The following PRMT5 variants were observed in gnomAD, a reference collection of about 807,000 sequenced individuals.
PRMT5 encodes the protein protein arginine methyltransferase 5.
Under a neutral mutation model 84.0 loss-of-function variants are expected in PRMT5, and 15 were observed. That is an observed-to-expected ratio of 0.18 (90% CI 0.12 to 0.28). The LOEUF is 0.28. Among genes scored for constraint, PRMT5 ranks in the 10% least tolerant of loss-of-function variants. PRMT5 has a pLI of 1.00. For synonymous variants in PRMT5, 276 were observed against 292.4 expected (o/e 0.94, Z 0.57); for missense variants, 486 against 808.0 (o/e 0.60, Z 4.83).
At position 22,927,535 on chromosome 14, in the gene PRMT5, G is replaced by GT; in HGVS notation, c.440dup (p.His147GlnfsTer20). ...AGCCCCTCAGCTATACCATGGAAGA[G>GT]TGATGGCCAGTGTGGATGTGGTTGG... On this transcript the variant is annotated frameshift_variant, in exon 4 of 17. Coordinates refer to ENST00000324366, the MANE Select transcript of PRMT5 (RefSeq NM_006109.5). LOFTEE classifies it high-confidence loss of function. 6.2e-7 allele frequency: 1 copy of GT among 1,614,062 alleles called. No homozygotes were observed. The highest frequency in any genetic ancestry group is 8.5e-7 in the Non-Finnish European group (1 of 1,179,992).
rs989751309 is a variant in PRMT5, at chr14:22,921,813, C to T, written c.1761+363G>A. The stretch of plus-strand genomic sequence containing the variant: ...AGGAGAATGGCATGAACCCGGGAGG[C>T]GGAGCTTGCAGTGAGCCGAAATTGT... On this transcript the variant is annotated intron_variant, in intron 16 of 16. Transcript: ENST00000324366. Among the ~76,000 whole-genome samples the T allele has an allele frequency of 3.5e-5, 5 of 142,052 alleles. No homozygotes were observed. In the South Asian group the frequency reaches 7.4e-4, roughly 21 times the overall value. The allele number at this position is 142,052 out of a possible 152,430, so 93.2% of individuals were successfully genotyped here.
At chr14:22,925,166 TAA>T (rs147925144) in intron 7 of PRMT5, 126 bp from the exon 8 acceptor site, 337,306 of 812,868 alleles carry the variant, frequency 0.41, 39,367 homozygotes, top group East Asian at 0.54. Flanking sequence ...TTTTTTTTTT[TAA>T]AAAAAAAGAT....
rs1392791933 is a variant in PRMT5 at position 22,922,515 on chromosome 14, C to T, written c.1624G>A (p.Val542Met). 2 of 1,614,044 alleles carry T rather than the reference C, an allele frequency of 1.2e-6. No individual in the cohort carries two copies. Among genetic ancestry groups the T allele is most frequent in the Non-Finnish European group, 1.7e-6 (2 of 1,180,010 alleles). The change falls in exon 15 of 17, where the codon GTG becomes ATG. Residue 542 changes from valine to methionine, a missense_variant. Coordinates refer to ENST00000324366, the MANE Select transcript of PRMT5 (RefSeq NM_006109.5). The stretch of plus-strand genomic sequence containing the variant: ...CCATGTAGTACTGTGTTCACCTCCA[C>T]AGGAAATTCCAAGGTGCAATAGCGG... The part of the protein sequence containing the change: ...NNRYCTLEFP[V>M]EVNTVLHGFA...
In PRMT5 at chr14:22,928,659, T is replaced by C. The variant is rs2044478934; in HGVS notation, c.111-44A>G. On this transcript the variant is annotated intron_variant, in intron 1 of 16. Transcript: ENST00000324366. The surrounding 1 kb of genome is among the most constrained non-coding windows in gnomAD (Gnocchi z 4.8). ...CAGAATCATGTAAAGACAGCAGCAGTGCCAGAGAGCCAAGCAACTGGATTT... is the reference window on the plus strand; with the variant it reads ...CAGAATCATGTAAAGACAGCAGCAGCGCCAGAGAGCCAAGCAACTGGATTT... 6.9e-7 allele frequency: 1 copy of C among 1,449,388 alleles called. No individual in the cohort carries two copies. Among genetic ancestry groups the C allele is most frequent in the Non-Finnish European group, 9.7e-7 (1 of 1,029,858 alleles). The allele number at this position is 1,449,388 out of a possible 1,614,324, so 89.8% of individuals were successfully genotyped here.
rs370537118 is a variant in PRMT5, at chr14:22,928,469, A to C, written c.229+28T>G. ...GCAGAAGTTGTTATTGCCTCTAATAATTAAGGGGCATATGGGATGGTCCCT... is the reference window on the plus strand; with the variant it reads ...GCAGAAGTTGTTATTGCCTCTAATACTTAAGGGGCATATGGGATGGTCCCT... On this transcript the variant is annotated intron_variant, in intron 2 of 16. Transcript: ENST00000324366. The surrounding 1 kb of genome is among the most constrained non-coding windows in gnomAD (Gnocchi z 4.8). 2.0e-6 allele frequency: 3 copies of C among 1,525,054 alleles called. No homozygotes were observed. In the African/African-American group the frequency reaches 4.1e-5, roughly 21 times the overall value. The allele number at this position is 1,525,054 out of a possible 1,614,324, so 94.5% of individuals were successfully genotyped here. A position where few individuals can be genotyped will look rare whatever the true frequency, so the allele number is the denominator to read the frequency against.
intron 5 of PRMT5, 34 bp downstream of exon 5, chr14:22,926,668 T>C: frequency 6.2e-7 from 1 of 1,605,954 alleles, no homozygotes; most frequent in Non-Finnish European, 8.5e-7. Flanking sequence ...ACCCTATCCC[T>C]TGCACCCTGG....
At chr14:22,925,545 C>T (rs2044400796) in intron 7 of PRMT5, among the ~76,000 whole-genome samples, 1 of 152,024 alleles carries the variant, frequency 6.6e-6, no homozygotes, top group African/African-American at 2.4e-5. Flanking sequence ...CTTGGCCGGG[C>T]GTGGTGGCCC....
rs2044486486 is a variant in PRMT5, at chr14:22,928,956, C to T, written c.110+296G>A. The T allele has an allele frequency of 4.7e-6, 3 of 638,772 alleles. No individual in the cohort carries two copies. The highest frequency in any genetic ancestry group is 3.0e-5 in the Admixed American group (1 of 33,358). The allele number at this position is 638,772 out of a possible 1,614,324, so 39.6% of individuals were successfully genotyped here. A position where few individuals can be genotyped will look rare whatever the true frequency, so the allele number is the denominator to read the frequency against. On this transcript the variant is annotated intron_variant, in intron 1 of 16. Coordinates refer to ENST00000324366, the MANE Select transcript of PRMT5 (RefSeq NM_006109.5). This position sits in a 1 kb window ranked among gnomAD's most constrained non-coding sequence, Gnocchi z 4.8. ...CCTCCCCCGTCAAAATTAGCCTCTT[C>T]TCTCCCTTGCCCCCTAACACCTCCT...
At chr14:22,926,330 G>T in intron 6 of PRMT5, 34 bp from the exon 7 acceptor site, 1 of 1,609,814 alleles carries the variant, frequency 6.2e-7, no homozygotes, top group Non-Finnish European at 8.5e-7. Context: ...GTCAACCACT[G>T]CCAGGCAAGA....
intron 16 of PRMT5, 113 bp downstream of exon 16, chr14:22,922,063 G>A (rs1800423008): frequency 2.1e-6 from 2 of 973,732 alleles, no homozygotes; most frequent in Non-Finnish European, 3.2e-6. Flanking sequence ...AAGAGCATAT[G>A]AAATCAGGAG....
At position 22,922,184 on chromosome 14, in the gene PRMT5, G is replaced by A; in HGVS notation, c.1753C>T (p.Pro585Ser). The change falls in exon 16 of 17, where the codon CCT becomes TCT. Residue 585 changes from proline to serine, a missense_variant. Pro to Ser is a moderately conservative substitution (Grantham distance 74). Transcript: ENST00000324366. ...GMFSWFPILF[P>S]IKQPITVREG... ...TTAAAAGCAGTTCCTACCTTAATAG[G>A]GAAGAGGATGGGAAACCATGAGAAC... 1 of 1,579,096 alleles carries A rather than the reference G, an allele frequency of 6.3e-7. No homozygotes were observed. Among genetic ancestry groups the A allele is most frequent in the Non-Finnish European group, 8.7e-7 (1 of 1,148,154 alleles).
At chr14:22,926,344 C>T (rs2044418507) in intron 6 of PRMT5, 48 bp from the exon 7 acceptor site, 1 of 1,606,636 alleles carries the variant, frequency 6.2e-7, no homozygotes. Context: ...GGCAAGAAAC[C>T]CTTCCTTGCT....
intron 13 of PRMT5, 96 bp downstream of exon 13, chr14:22,922,955 C>T (rs1330225096): frequency 9.3e-6 from 13 of 1,394,036 alleles, no homozygotes; most frequent in African/African-American, 8.7e-5. Flanking sequence ...TCTCCTTCAC[C>T]TCTTCATCCC....
chr14:22,926,927 T>C, intron 4 of PRMT5, 113 bp from the exon 5 acceptor site: 1 of 706,562 alleles, frequency 1.4e-6, no homozygotes, highest in East Asian at 2.6e-5. Flanking sequence ...TTATATGCTT[T>C]TCCCAATTTG....
Position 22,926,519 on chromosome 14 carries a change from C to G in PRMT5, c.600G>C (p.Lys200Asn). The stretch of plus-strand genomic sequence containing the variant: ...TCATGGACTCACCCACTGCAATCCT[C>G]TTACTATAGTCACACAAAGTCCGGA... ...HNFRTLCDYS[K>N]RIAVALEIGA... Residue 200 changes from lysine (K) to asparagine (N), a missense_variant, in exon 6 of 17, where the codon AAG becomes AAC. This residue lies in a region of PRMT5 where 215 missense variants were observed against 301.1 expected (regional missense o/e 0.71). Coordinates refer to ENST00000324366, the MANE Select transcript of PRMT5 (RefSeq NM_006109.5). 6.2e-7 allele frequency: 1 copy of G among 1,614,196 alleles called. No homozygotes were observed. Among genetic ancestry groups the G allele is most frequent in the Non-Finnish European group, 8.5e-7 (1 of 1,180,034 alleles).
Position 22,924,407 on chromosome 14 carries a change from G to A in PRMT5, c.1077-15C>T. The stretch of plus-strand genomic sequence containing the variant: ...CCATCAGTACCCTAAGAAAGAAAGG[G>A]AAGAGTCAAGCAGACTTGGCATATA... On this transcript the variant is annotated splice_polypyrimidine_tract_variant and intron_variant, in intron 10 of 16. Coordinates refer to ENST00000324366, the MANE Select transcript of PRMT5 (RefSeq NM_006109.5). This position sits in a 1 kb window ranked among gnomAD's most constrained non-coding sequence, Gnocchi z 6.5. 1.9e-6 allele frequency: 3 copies of A among 1,614,006 alleles called. No individual in the cohort carries two copies. Among genetic ancestry groups the A allele is most frequent in the Non-Finnish European group, 2.5e-6 (3 of 1,179,996 alleles).
Position 22,928,422 on chromosome 14 carries a change from G to C in PRMT5, c.229+75C>G. The C allele has an allele frequency of 7.6e-7, 1 of 1,318,840 alleles. No individual in the cohort carries two copies. Among genetic ancestry groups the C allele is most frequent in the Non-Finnish European group, 1.1e-6 (1 of 914,124 alleles). 81.7% of individuals were successfully genotyped at this position (1,318,840 alleles called of 1,614,324 possible). A position where few individuals can be genotyped will look rare whatever the true frequency, so the allele number is the denominator to read the frequency against. On this transcript the variant is annotated intron_variant, in intron 2 of 16. Coordinates refer to ENST00000324366, the MANE Select transcript of PRMT5 (RefSeq NM_006109.5). This position sits in a 1 kb window ranked among gnomAD's most constrained non-coding sequence, Gnocchi z 4.8. ...CAAATATATCCAAGTCAGAAAAGGA[G>C]GAGAATGAGGGCCCCGATAAAGCAG...
At position 22,924,671 on chromosome 14, in the gene PRMT5, C is replaced by A; in HGVS notation, c.978G>T (p.Val326=). 6.2e-7 allele frequency: 1 copy of A among 1,614,130 alleles called. No homozygotes were observed. The highest frequency in any genetic ancestry group is 8.5e-7 in the Non-Finnish European group (1 of 1,180,008). The change falls in exon 9 of 17, where the codon GTG becomes GTT. Residue 326 remains valine (V), a synonymous_variant. Coordinates refer to ENST00000324366, the MANE Select transcript of PRMT5 (RefSeq NM_006109.5). This position sits in a 1 kb window ranked among gnomAD's most constrained non-coding sequence, Gnocchi z 6.5. The part of the protein sequence containing the change: ...MDNLESQTYE[V]FEKDPIKYSQ... ...AGTATTTGATGGGGTCCTTTTCAAA[C>A]ACTTCATATGTCTGAGATTCCAGAT...
rs1254006163 is a variant in PRMT5 at position 22,924,139 on chromosome 14, A to G, written c.1244T>C (p.Val415Ala). 1 of 1,613,008 alleles carries G rather than the reference A, an allele frequency of 6.2e-7. No homozygotes were observed. ...CCATTCCCTCATGTCTGATGAGACT[A>G]CGGTCACTTGGCTTCCCCATTCTTC... is the stretch of plus-strand genomic sequence containing the variant. ...QFEEWGSQVT[V>A]VSSDMREWVA... is the part of the protein sequence containing the mutation. The change falls in exon 12 of 17, where the codon GTA becomes GCA. Residue 415 changes from valine to alanine, a missense_variant. Val to Ala is a moderately conservative substitution (Grantham distance 64, BLOSUM62 0). Around this residue, in one of 4 missense-constraint regions of PRMT5, gnomAD observed 219 missense variants for 433.6 expected, o/e 0.51. Transcript: ENST00000324366. This position sits in a 1 kb window ranked among gnomAD's most constrained non-coding sequence, Gnocchi z 6.5.
Sources: gnomAD v4.1 joint callset for allele counts (sites outside exome capture counted in the v4.1 genomes callset) on GRCh38, gnomAD v4.1.1 for gene constraint, gnomAD v4.1.1 regional missense constraint, Gnocchi (gnomAD v3.1) non-coding constraint, MANE v1.5 for transcripts, NCBI Gene and HGNC (gene_info 2026-07-23, HGNC 2026-07-21) for gene names.